Variants in DGKH observed in about 807,000 individuals in gnomAD.
DGKH encodes the protein DAG kinase eta.
In DGKH, 90 loss-of-function variants were observed where a neutral mutation model predicts 159.3. The observed-to-expected ratio is 0.57, with a 90% CI of 0.48 to 0.67. The LOEUF is 0.67. Ranked by LOEUF, DGKH falls within the 30% of genes least tolerant of loss-of-function variation. The pLI is 0.00. For missense variants in DGKH, 1,181 were observed against 1,506.1 expected (o/e 0.78, Z 3.57); for synonymous variants, 536 against 553.8 (o/e 0.97, Z 0.45).
chr13:42,154,181 C>T lies in DGKH; in HGVS notation c.385-1110C>T, dbSNP rs572291724. Among the ~76,000 whole-genome samples the T allele has an allele frequency of 1.8e-4, 28 of 152,136 alleles. No homozygotes were observed. The South Asian group carries it at 5.4e-3, about 29-fold the overall frequency. On this transcript the variant is annotated intron_variant, in intron 3 of 29. Transcript: ENST00000337343. ...TACTTGTGAAATCTGCTCTATAATC[C>T]AATGTAATGTTTAGACTTATCACTT...
chr13:42,148,314 T>C (rs1183155562), intron 3 of DGKH, among the ~76,000 whole-genome samples: 1 of 152,228 alleles, frequency 6.6e-6, no homozygotes, highest in Non-Finnish European at 1.5e-5. Flanking sequence ...TTTGGACTTG[T>C]GAAATGATTT....
intron 1 of DGKH, among the ~76,000 whole-genome samples, chr13:42,060,643 G>T (rs1359482258): frequency 6.6e-6 from 1 of 152,136 alleles, no homozygotes; most frequent in African/African-American, 2.4e-5. Flanking sequence ...GCCTGCTATG[G>T]CCAGGCATAG....
At chr13:42,186,010 G>GGTGGTGTGT (rs1224301794) in intron 13 of DGKH, among the ~76,000 whole-genome samples, 1 of 132,290 alleles carries the variant, frequency 7.6e-6, no homozygotes, top group South Asian at 2.3e-4. Context: ...TGGTGGTGGT[G>GGTGGTGTGT]GTGTGTGTGT....
chr13:42,115,496 T>G (rs968270363), intron 1 of DGKH, among the ~76,000 whole-genome samples: 3 of 151,882 alleles, frequency 2.0e-5, no homozygotes, highest in African/African-American at 7.3e-5. Context: ...ATACCAAGGA[T>G]GTGATAGTGG....
At chr13:42,175,459 C>T (rs1421965420) in intron 12 of DGKH, among the ~76,000 whole-genome samples, 1 of 151,978 alleles carries the variant, frequency 6.6e-6, no homozygotes, top group Non-Finnish European at 1.5e-5. Flanking sequence ...GAAATCAGTC[C>T]TTTATCTTAA....
intron 12 of DGKH, among the ~76,000 whole-genome samples, chr13:42,177,481 C>A (rs571937847): frequency 6.6e-6 from 1 of 152,258 alleles, no homozygotes; most frequent in South Asian, 2.1e-4. Context: ...TTGGTGAACA[C>A]AATTTTGCAT....
At chr13:42,146,529 C>A (rs1278168050) in intron 3 of DGKH, among the ~76,000 whole-genome samples, 1 of 152,130 alleles carries the variant, frequency 6.6e-6, no homozygotes, top group Non-Finnish European at 1.5e-5. Context: ...AGTTAGAGAC[C>A]CGTTGGAGTA....
upstream of DGKH, among the ~76,000 whole-genome samples, chr13:42,044,752 A>G (rs1441851081): frequency 6.6e-6 from 1 of 152,234 alleles, no homozygotes; most frequent in African/African-American, 2.4e-5. Flanking sequence ...TTAGCATTCT[A>G]AGTTTCTGTG....
intron 3 of DGKH, among the ~76,000 whole-genome samples, chr13:42,152,549 A>G (rs1240616435): frequency 6.6e-6 from 1 of 150,768 alleles, no homozygotes; most frequent in Non-Finnish European, 1.5e-5. Context: ...AGATACCCCA[A>G]CAAGTAACAC....
At chr13:42,137,765 TG>T (rs1260989648) in intron 3 of DGKH, among the ~76,000 whole-genome samples, 1 of 152,182 alleles carries the variant, frequency 6.6e-6, no homozygotes, top group African/African-American at 2.4e-5. Context: ...TCACAGAGGA[TG>T]GTAACCATTA....
chr13:42,110,264 C>T (rs773692229), intron 1 of DGKH, among the ~76,000 whole-genome samples: 6 of 152,176 alleles, frequency 3.9e-5, no homozygotes, highest in Non-Finnish European at 7.3e-5. Context: ...CTTGACCTTA[C>T]CACTGACCCC....
At chr13:42,255,858 A>G in intron 30 of DGKH, 1 of 932,226 alleles carries the variant, frequency 1.1e-6, no homozygotes, top group South Asian at 1.9e-5. Flanking sequence ...TTATCTTCAA[A>G]AAAGAGACTG....
chr13:42,190,536 T>C lies in DGKH; in HGVS notation c.2035+11T>C. 6.4e-7 allele frequency: 1 copy of C among 1,564,418 alleles called. No individual in the cohort carries two copies. The highest frequency in any genetic ancestry group is 1.4e-5 in the African/African-American group (1 of 71,794). On this transcript the variant is annotated intron_variant, in intron 16 of 29. Transcript: ENST00000337343. ...AAGAATCAATAACTGGTGAGGAAAC[T>C]GGGAAAAAATTATTTTGGAATTAAA... is the stretch of plus-strand genomic sequence containing the variant.
chr13:42,066,720 A>T (rs1040456384), intron 1 of DGKH: 1 of 152,102 alleles, frequency 6.6e-6, no homozygotes, highest in Non-Finnish European at 1.5e-5. Context: ...GCACCCTTTC[A>T]TGACGTGGTT....
At chr13:42,120,200 C>T (rs1955042992) in intron 1 of DGKH, among the ~76,000 whole-genome samples, 1 of 152,140 alleles carries the variant, frequency 6.6e-6, no homozygotes, top group Admixed American at 6.5e-5. Flanking sequence ...GGTTCCACAT[C>T]TCCAATCTTG....
At chr13:42,247,861 T>A (rs1305593319), downstream of DGKH, among the ~76,000 whole-genome samples, 2 of 139,198 alleles carry the variant, frequency 1.4e-5, no homozygotes, top group Non-Finnish European at 3.2e-5. Context: ...AAGAAAAAGC[T>A]TTTGTATAAC....
intron 1 of DGKH, among the ~76,000 whole-genome samples, chr13:42,088,047 A>T (rs561812236): frequency 6.6e-6 from 1 of 152,272 alleles, no homozygotes; most frequent in Non-Finnish European, 1.5e-5. Context: ...TTTTATGTAG[A>T]ACAAAGATTA....
Position 42,187,128 on chromosome 13 carries a change from G to A in DGKH, c.1618G>A (p.Ala540Thr). Residue 540 changes from alanine (A) to threonine (T), a missense_variant, in exon 14 of 30, where the codon GCT becomes ACT. Ala to Thr is a moderately conservative substitution (Grantham distance 58). Around this residue, in one of 5 missense-constraint regions of DGKH, gnomAD observed 257 missense variants for 281.5 expected, o/e 0.91. Transcript: ENST00000337343. ...YDKTLENAVV[A>T]DAVASKCSVL... ...CAAAACCTTGGAAAATGCCGTTGTA[G>A]CTGATGCCGTGGCCAGTAAAGTAAG... The A allele has an allele frequency of 1.9e-6, 3 of 1,614,046 alleles. No homozygotes were observed. Among genetic ancestry groups the A allele is most frequent in the Non-Finnish European group, 2.5e-6 (3 of 1,179,932 alleles).
chr13:42,181,256 C>G lies in DGKH; in HGVS notation c.1538+3036C>G, dbSNP rs548904707. On this transcript the variant is annotated intron_variant, in intron 13 of 29. Transcript: ENST00000337343. ...TGCGCCACTGCACTCCCGCCTGGGC[C>G]ACAGAGCGAGACTCTGTCTCAAAAA... Among the ~76,000 whole-genome samples the G allele has an allele frequency of 9.3e-5, 12 of 128,918 alleles. No homozygotes were observed. The South Asian group carries it at 2.1e-3, about 22-fold the overall frequency. 84.6% of individuals were successfully genotyped at this position (128,918 alleles called of 152,430 possible).
Sources: allele counts gnomAD v4.1 joint callset (sites outside exome capture counted in the v4.1 genomes callset), GRCh38; gene constraint gnomAD v4.1.1; regional missense constraint gnomAD v4.1.1; transcripts MANE v1.5; gene names NCBI Gene and HGNC (gene_info 2026-07-23, HGNC 2026-07-21).